Variants in KDM6A observed in about 807,000 individuals in gnomAD.
The protein encoded by KDM6A is lysine demethylase 6A.
In KDM6A, 11 loss-of-function variants were observed where a neutral mutation model predicts 117.6. The ratio of observed to expected loss-of-function variants is 0.09; its 90% CI spans 0.06 to 0.15. The LOEUF (loss-of-function observed/expected upper bound fraction) is 0.15. Among genes scored for constraint, KDM6A ranks in the 10% least tolerant of loss-of-function variants. The pLI, the probability that KDM6A is intolerant of heterozygous loss-of-function variation, is 1.00. For missense variants in KDM6A, 799 were observed against 1,077.3 expected, an observed-to-expected ratio of 0.74 and a Z score of 3.62; for synonymous variants, 384 against 396.1, an observed-to-expected ratio of 0.97 and a Z score of 0.36.
chrX:44,977,553 C>T (rs757723610), intron 4 of KDM6A, among the ~76,000 whole-genome samples: 11 of 111,810 alleles, frequency 9.8e-5, no homozygotes, highest in African/African-American at 2.3e-4. Flanking sequence ...TGTGAGCCAC[C>T]GCACTTGGCC....
rs1382924037 is a variant in KDM6A, at chrX:45,036,846, CTG to C, written c.620-807_620-806del. On this transcript the variant is annotated intron_variant, in intron 7 of 29. Coordinates refer to ENST00000611820, the MANE Select transcript of KDM6A (RefSeq NM_001291415.2). ...TGGTAAATCCTCATTTTATTCTACTCTGTTTAAATCTCAGTTGTAGATCATTA... is the reference window on the plus strand; with the variant it reads ...TGGTAAATCCTCATTTTATTCTACTCTTTAAATCTCAGTTGTAGATCATTA... Among the ~76,000 whole-genome samples the C allele has an allele frequency of 6.2e-5, 7 of 112,645 alleles. No homozygotes were observed. In the Admixed American group the frequency reaches 6.6e-4, roughly 11 times the overall value.
chrX:45,056,794 A>G (rs1390828161), intron 10 of KDM6A, among the ~76,000 whole-genome samples: 1 of 111,681 alleles, frequency 9.0e-6, no homozygotes, highest in African/African-American at 3.3e-5. Flanking sequence ...TAGGAATGGA[A>G]TGTTAAAACA....
rs769713755 is a variant in KDM6A, at chrX:45,026,694, A to G, written c.564+5964A>G. 2.4e-4 allele frequency among the ~76,000 whole-genome samples: 26 copies of G among 107,200 alleles called. No individual in the cohort carries two copies. In the South Asian group the frequency reaches 0.011, roughly 44 times the overall value. The allele number at this position is 107,200 out of a possible 115,157, so 93.1% of individuals were successfully genotyped here. ...AAAAAAAAAAAAAATTTAGCTGGGC[A>G]TGGTGGCGCGCCTGTAGTCCCAGCT... is the stretch of plus-strand genomic sequence containing the variant. On this transcript the variant is annotated intron_variant, in intron 6 of 29. Transcript: ENST00000611820.
At chrX:44,986,691 G>T (rs1406304820) in intron 4 of KDM6A, among the ~76,000 whole-genome samples, 2 of 111,560 alleles carry the variant, frequency 1.8e-5, no homozygotes, top group Non-Finnish European at 3.8e-5. Context: ...TCAGGAGCAG[G>T]TTGTTCAGTT....
At chrX:45,049,653 A>G (rs780246935) in intron 8 of KDM6A, among the ~76,000 whole-genome samples, 2 of 111,954 alleles carry the variant, frequency 1.8e-5, no homozygotes, top group Non-Finnish European at 3.8e-5. Flanking sequence ...ATCTGATTAC[A>G]TTACTTGAAA....
At chrX:44,963,937 G>A (rs1602366412) in intron 3 of KDM6A, among the ~76,000 whole-genome samples, 1 of 108,527 alleles carries the variant, frequency 9.2e-6, no homozygotes, top group Non-Finnish European at 1.9e-5. Context: ...CAGGCTGGTC[G>A]CGAACTCCTG....
intron 8 of KDM6A, among the ~76,000 whole-genome samples, chrX:45,047,473 CTTT>C (rs748480986): frequency 1.1e-5 from 1 of 93,105 alleles, no homozygotes. Flanking sequence ...GCATTGATTT[CTTT>C]TTTTTTTTAA....
chrX:44,887,182 A>G (rs1339765474), intron 2 of KDM6A, among the ~76,000 whole-genome samples: 2 of 110,831 alleles, frequency 1.8e-5, no homozygotes, highest in Non-Finnish European at 3.8e-5. Context: ...GGCCTCTGAA[A>G]GTTCTGGGAT....
At chrX:45,008,393 A>T (rs1211584458) in intron 4 of KDM6A, among the ~76,000 whole-genome samples, 1 of 110,917 alleles carries the variant, frequency 9.0e-6, no homozygotes, top group Non-Finnish European at 1.9e-5. Context: ...AAAAAATAAA[A>T]AAAATAAAAA....
At position 45,079,324 on chromosome X, in the gene KDM6A, G is replaced by A. The variant is rs2148121816; in HGVS notation, c.3273G>A (p.Gln1091=). Residue 1091 remains glutamine (Q), a synonymous_variant, in exon 21 of 30, where the codon CAG becomes CAA. Transcript: ENST00000611820. ...HTTIAKYAQY[Q]ASSFQESLRE... ...CAATTGCTAAATATGCACAGTACCA[G>A]GCCTCCTCATTCCAGGAATCATTGA... The A allele has an allele frequency of 8.4e-7, 1 of 1,184,415 alleles. No homozygotes were observed. The highest frequency in any genetic ancestry group is 1.1e-6 in the Non-Finnish European group (1 of 870,962).
In KDM6A at chrX:45,013,467, A is replaced by G. The variant is rs182274099; in HGVS notation, c.443+2448A>G. Among the ~76,000 whole-genome samples the G allele has an allele frequency of 4.2e-3, 475 of 112,083 alleles. 4 individuals are homozygous for G. The highest frequency in any genetic ancestry group is 5.5e-3 in the Non-Finnish European group (292 of 53,170). On this transcript the variant is annotated intron_variant, in intron 5 of 29. Transcript: ENST00000611820. ...AATTAGTAATGAGGTGAACCTGTCAATAGTTCAAATGTTGATTGCTTTAAT... is the reference window on the plus strand; with the variant it reads ...AATTAGTAATGAGGTGAACCTGTCAGTAGTTCAAATGTTGATTGCTTTAAT...
At chrX:45,094,292 T>A (rs2046011717) in intron 27 of KDM6A, among the ~76,000 whole-genome samples, 1 of 111,820 alleles carries the variant, frequency 8.9e-6, no homozygotes, top group Non-Finnish European at 1.9e-5. Context: ...AATTCGGTGA[T>A]AGATCCACTG....
intron 8 of KDM6A, among the ~76,000 whole-genome samples, chrX:45,041,431 AC>A (rs1269529803): frequency 0.052 from 3,845 of 74,618 alleles, 264 homozygotes; most frequent in African/African-American, 0.18. Flanking sequence ...GCGGGGACTG[AC>A]CCCCCCCCAC....
intron 4 of KDM6A, among the ~76,000 whole-genome samples, chrX:44,986,710 G>C (rs1451490964): frequency 6.3e-5 from 7 of 111,969 alleles, no homozygotes; most frequent in Non-Finnish European, 1.3e-4. Context: ...TTTCCATGTA[G>C]TTGAGCAGTT....
intron 13 of KDM6A, 42 bp from the exon 14 acceptor site, chrX:45,060,567 A>G (rs1333620380): frequency 3.1e-6 from 3 of 969,788 alleles, no homozygotes; most frequent in South Asian, 4.5e-5. Context: ...TGAATTAAGA[A>G]TATATAGAAC....
intron 5 of KDM6A, among the ~76,000 whole-genome samples, chrX:45,018,437 T>A (rs1379179783): frequency 2.7e-5 from 3 of 111,822 alleles, no homozygotes; most frequent in Admixed American, 1.9e-4. Flanking sequence ...GTGTGTTTTT[T>A]TAACCTCAGT....
At chrX:45,015,843 A>G (rs1343133869) in intron 5 of KDM6A, among the ~76,000 whole-genome samples, 1 of 111,979 alleles carries the variant, frequency 8.9e-6, no homozygotes, top group Non-Finnish European at 1.9e-5. Flanking sequence ...AAGGGCTTTG[A>G]TTAATTAGGC....
At chrX:44,980,074 GC>G in intron 4 of KDM6A, among the ~76,000 whole-genome samples, 1 of 102,325 alleles carries the variant, frequency 9.8e-6, no homozygotes, top group Non-Finnish European at 2.0e-5. Context: ...TTGGCTCACT[GC>G]AACCTTCGCC....
chrX:44,899,387 C>T (rs1394928950), intron 2 of KDM6A, among the ~76,000 whole-genome samples: 3 of 106,198 alleles, frequency 2.8e-5, no homozygotes, highest in African/African-American at 1.0e-4. Context: ...AGCTATATGC[C>T]CGGCTCCACT....
Sources: allele counts gnomAD v4.1 joint callset (sites outside exome capture counted in the v4.1 genomes callset), GRCh38; gene constraint gnomAD v4.1.1; transcripts MANE v1.5; gene names NCBI Gene and HGNC (gene_info 2026-07-23, HGNC 2026-07-21).